The following ATRNL1 variants were observed in gnomAD, a reference collection of about 807,000 sequenced individuals.
The protein encoded by ATRNL1 is attractin like 1.
Under a neutral mutation model 182.7 loss-of-function variants are expected in ATRNL1, and 95 were observed. That is an observed-to-expected ratio of 0.52 (90% CI 0.44 to 0.62). ATRNL1 has a LOEUF of 0.62. Ranked by LOEUF, ATRNL1 falls within the 20% of genes least tolerant of loss-of-function variation. The pLI, the probability that ATRNL1 is intolerant of heterozygous loss-of-function variation, is 0.00. For synonymous variants in ATRNL1, 576 were observed against 568.3 expected (o/e 1.01, Z -0.19); for missense variants, 1,471 against 1,679.5 (o/e 0.88, Z 2.17).
intron 26 of ATRNL1, among the ~76,000 whole-genome samples, chr10:115,709,205 T>C (rs183847226): frequency 6.6e-5 from 10 of 152,020 alleles, no homozygotes; most frequent in African/African-American, 2.4e-4. Context: ...TTTGACCTAC[T>C]TGGCCTTAGA....
chr10:115,723,915 G>T (rs1301676425), intron 26 of ATRNL1, among the ~76,000 whole-genome samples: 3 of 152,078 alleles, frequency 2.0e-5, no homozygotes, highest in Non-Finnish European at 4.4e-5. Flanking sequence ...TAGCAAAACA[G>T]TTATTATGTA....
intron 5 of ATRNL1, among the ~76,000 whole-genome samples, chr10:115,153,502 G>A (rs1292930138): frequency 1.3e-5 from 2 of 152,150 alleles, no homozygotes; most frequent in Non-Finnish European, 2.9e-5. Context: ...TTTGCGTAGA[G>A]ATGTTTATAG....
At chr10:115,568,181 T>C (rs2804173) in intron 26 of ATRNL1, among the ~76,000 whole-genome samples, 147,914 of 152,122 alleles carry the variant, frequency 0.97, 72,075 homozygotes, top group East Asian at 1. Context: ...TGGCCAGTGC[T>C]CTTTTGTTCA....
At chr10:115,452,026 A>T (rs1372726777) in intron 21 of ATRNL1, among the ~76,000 whole-genome samples, 1 of 152,196 alleles carries the variant, frequency 6.6e-6, no homozygotes. Context: ...CAAATACTGC[A>T]TGTTCTCACT....
chr10:115,369,181 A>G (rs1400775825), intron 19 of ATRNL1, among the ~76,000 whole-genome samples: 5 of 151,150 alleles, frequency 3.3e-5, no homozygotes, highest in Non-Finnish European at 7.4e-5. Flanking sequence ...ATTTTTAAAT[A>G]TATATATTAT....
intron 26 of ATRNL1, among the ~76,000 whole-genome samples, chr10:115,640,188 G>T (rs1859148421): frequency 6.6e-6 from 1 of 152,090 alleles, no homozygotes; most frequent in African/African-American, 2.4e-5. Flanking sequence ...ATGGGCATTT[G>T]GGTTGGTTCC....
At chr10:115,397,297 C>T (rs782050538) in intron 20 of ATRNL1, among the ~76,000 whole-genome samples, 2 of 151,860 alleles carry the variant, frequency 1.3e-5, no homozygotes, top group African/African-American at 2.4e-5. Context: ...CAATTTCTTA[C>T]ATTAGTGATT....
chr10:115,116,011 A>G (rs1299319437), intron 1 of ATRNL1, among the ~76,000 whole-genome samples: 1 of 152,102 alleles, frequency 6.6e-6, no homozygotes, highest in African/African-American at 2.4e-5. Context: ...GATATGTGGC[A>G]GGCATCTAGA....
intron 9 of ATRNL1, among the ~76,000 whole-genome samples, chr10:115,226,910 C>A (rs1407261473): frequency 6.6e-6 from 1 of 152,138 alleles, no homozygotes; most frequent in African/African-American, 2.4e-5. Context: ...TACCTTTCAA[C>A]ATATACAAAA....
chr10:115,759,169 A>G (rs782752796), intron 27 of ATRNL1, among the ~76,000 whole-genome samples: 2 of 152,174 alleles, frequency 1.3e-5, no homozygotes, highest in African/African-American at 2.4e-5. Context: ...GGTTAGGCTG[A>G]ATATATTTTG....
At position 115,695,903 on chromosome 10, in the gene ATRNL1, C is replaced by CTT. The variant is rs782085382; in HGVS notation, c.3796-31333_3796-31332dup. ...CCATGGTGTATATGTACAACATTTT[C>CTT]TTTTTTTTTTTTTGAGATGGAGTCT... On this transcript the variant is annotated intron_variant, in intron 26 of 28. Transcript: ENST00000355044. Among the ~76,000 whole-genome samples the CTT allele has an allele frequency of 1.4e-3, 201 of 143,212 alleles. 1 individual carries two copies. Among genetic ancestry groups the CTT allele is most frequent in the African/African-American group, 4.9e-3 (192 of 39,322 alleles). The allele number at this position is 143,212 out of a possible 152,430, so 94.0% of individuals were successfully genotyped here.
chr10:115,280,213 G>T (rs1433918561), intron 13 of ATRNL1, among the ~76,000 whole-genome samples: 1 of 152,188 alleles, frequency 6.6e-6, no homozygotes, highest in Non-Finnish European at 1.5e-5. Flanking sequence ...CAAAGGACCA[G>T]ATATTGCTCT....
At chr10:115,267,830 G>A (rs77825770) in intron 12 of ATRNL1, among the ~76,000 whole-genome samples, 1,577 of 152,168 alleles carry the variant, frequency 0.01, 12 homozygotes, top group Non-Finnish European at 0.017. Flanking sequence ...CTGGAGTGCA[G>A]TGGTGTGATC....
chr10:115,721,434 A>T (rs574467944), intron 26 of ATRNL1, among the ~76,000 whole-genome samples: 1 of 152,302 alleles, frequency 6.6e-6, no homozygotes, highest in South Asian at 2.1e-4. Flanking sequence ...TGATAAAGAC[A>T]TACTTGAGAC....
chr10:115,713,461 G>A (rs78287609), intron 26 of ATRNL1, among the ~76,000 whole-genome samples: 1 of 145,932 alleles, frequency 6.9e-6, no homozygotes, highest in South Asian at 2.1e-4. Flanking sequence ...GTGTGTGTGT[G>A]TGTGTTTGTG....
At chr10:115,637,228 C>T (rs1858930636) in intron 26 of ATRNL1, among the ~76,000 whole-genome samples, 1 of 152,092 alleles carries the variant, frequency 6.6e-6, no homozygotes, top group African/African-American at 2.4e-5. Flanking sequence ...AATAGCCCCA[C>T]ACAAGTCCTT....
intron 26 of ATRNL1, among the ~76,000 whole-genome samples, chr10:115,578,670 A>T (rs1854878305): frequency 6.6e-6 from 1 of 150,722 alleles, no homozygotes. Flanking sequence ...TTTTGTTTAT[A>T]TTTTCAAAAA....
chr10:115,803,225 G>A (rs1217556175), intron 27 of ATRNL1, among the ~76,000 whole-genome samples: 1 of 151,830 alleles, frequency 6.6e-6, no homozygotes, highest in Non-Finnish European at 1.5e-5. Flanking sequence ...TATTTACCTA[G>A]TATACTTACC....
At chr10:115,888,303 C>T (rs782143077) in intron 28 of ATRNL1, among the ~76,000 whole-genome samples, 7 of 152,166 alleles carry the variant, frequency 4.6e-5, no homozygotes, top group Non-Finnish European at 8.8e-5. Context: ...TATTCCCCTG[C>T]GTTTTTATCA....
Sources: allele counts gnomAD v4.1 joint callset (sites outside exome capture counted in the v4.1 genomes callset), GRCh38; gene constraint gnomAD v4.1.1; transcripts MANE v1.5; gene names NCBI Gene and HGNC (gene_info 2026-07-23, HGNC 2026-07-21).